SUN1: variants seen among roughly 807,000 people sequenced by gnomAD.
The protein encoded by SUN1 is Sad1 and UNC84 domain containing 1.
In SUN1, 61 loss-of-function variants were observed where a neutral mutation model predicts 103.2. The observed-to-expected ratio is 0.59, with a 90% CI of 0.48 to 0.73. The LOEUF is 0.73. SUN1 is among the 30% of genes least tolerant of loss of function. The probability of loss-of-function intolerance (pLI) is 0.00; values close to 1 mark genes in which losing one functional copy is unlikely to be tolerated. For missense variants in SUN1, 1,052 were observed against 1,034.6 expected, an observed-to-expected ratio of 1.02 and a Z score of -0.23; for synonymous variants, 490 against 425.7, an observed-to-expected ratio of 1.15 and a Z score of -1.86.
At chr7:860,522 T>C (rs1831356276) in intron 14 of SUN1, 140 bp downstream of exon 14, 3 of 1,407,538 alleles carry the variant, frequency 2.1e-6, no homozygotes, top group Non-Finnish European at 2.9e-6. Context: ...GTAAGTGAGA[T>C]GAGACGTGCC....
At chr7:829,617 C>G (rs1796091596), upstream of SUN1, among the ~76,000 whole-genome samples, 1 of 150,578 alleles carries the variant, frequency 6.6e-6, no homozygotes, top group African/African-American at 2.5e-5. Context: ...TGCAGTGGCG[C>G]TATCTCGGCT....
At chr7:861,298 T>A in intron 14 of SUN1, 82 bp from the exon 15 acceptor site, 1 of 1,361,874 alleles carries the variant, frequency 7.3e-7, no homozygotes, top group Non-Finnish European at 1.0e-6. Context: ...TGTAAGTGTC[T>A]GGTCCTCATC....
chr7:843,391 G>T lies in SUN1; in HGVS notation c.529G>T (p.Ala177Ser), dbSNP rs372973764. 1 of 1,610,278 alleles carries T rather than the reference G, an allele frequency of 6.2e-7. No homozygotes were observed. The highest frequency in any genetic ancestry group is 8.5e-7 in the Non-Finnish European group (1 of 1,177,786). Reference protein sequence around the residue: ...QGNGDVGAAAATAHNGFSCSN... With the variant: ...QGNGDVGAAASTAHNGFSCSN... ...AAACGGGGATGTGGGAGCCGCCGCCGCCACCGCGCACAACGGCTTCTCCTG... is the reference window on the plus strand; with the variant it reads ...AAACGGGGATGTGGGAGCCGCCGCCTCCACCGCGCACAACGGCTTCTCCTG... Residue 177 changes from alanine to serine, a missense_variant, in exon 5 of 19, where the codon GCC becomes TCC. Ala to Ser is a moderately conservative substitution (Grantham distance 99, BLOSUM62 1). Coordinates refer to ENST00000401592, the MANE Select transcript of SUN1 (RefSeq NM_001130965.3).
At chr7:872,701 C>A in intron 18 of SUN1, 139 bp downstream of exon 18, 1 of 672,144 alleles carries the variant, frequency 1.5e-6, no homozygotes, top group South Asian at 1.9e-5. Context: ...CTTCCTGGCT[C>A]TGCGTTAATG....
At chr7:857,056 C>T (rs1484421188) in intron 12 of SUN1, among the ~76,000 whole-genome samples, 1 of 152,194 alleles carries the variant, frequency 6.6e-6, no homozygotes, top group Admixed American at 6.5e-5. Flanking sequence ...GCCAAGTCCC[C>T]TTAAGTGGGG....
rs370495368 is a variant in SUN1 at position 853,612 on chromosome 7, G to C, written c.1257G>C (p.Pro419=). The C allele has an allele frequency of 2.5e-6, 4 of 1,601,420 alleles. No homozygotes were observed. The East Asian group carries it at 8.9e-5, about 36-fold the overall frequency. Reference sequence around the variant, plus strand: ...TCAGAGACGCTGTGGGACAGCCCCCGAGGGAGGTGGGTGCTGCCGGGCTAC... The same window carrying C: ...TCAGAGACGCTGTGGGACAGCCCCCCAGGGAGGTGGGTGCTGCCGGGCTAC... ...ASVRDAVGQP[P]RETDFMAFHQ... Residue 419 remains proline, a synonymous_variant, in exon 10 of 19, where the codon CCG becomes CCC. Coordinates refer to ENST00000401592, the MANE Select transcript of SUN1 (RefSeq NM_001130965.3).
upstream of SUN1, chr7:816,577 T>C (rs1026537906): frequency 5.1e-6 from 2 of 395,994 alleles, no homozygotes; most frequent in African/African-American, 2.2e-5. Context: ...GCTCCCGCCC[T>C]CGGCCCGGGG....
chr7:872,918 C>A (rs772877214), intron 18 of SUN1, among the ~76,000 whole-genome samples: 2 of 152,168 alleles, frequency 1.3e-5, no homozygotes, highest in African/African-American at 2.4e-5. Context: ...GAAACCCGGT[C>A]TCTACTAAAA....
chr7:840,427 C>T (rs895203362), intron 2 of SUN1, among the ~76,000 whole-genome samples: 6 of 152,218 alleles, frequency 3.9e-5, no homozygotes, highest in South Asian at 4.1e-4. Context: ...CGCTCTGCCG[C>T]GCCACGCTCC....
At chr7:871,417 C>A (rs1445375544) in intron 17 of SUN1, among the ~76,000 whole-genome samples, 1 of 151,932 alleles carries the variant, frequency 6.6e-6, no homozygotes, top group Non-Finnish European at 1.5e-5. Context: ...GAGACCGAGT[C>A]TCGCTCTGTC....
intron 14 of SUN1, 79 bp downstream of exon 14, chr7:860,461 A>ACCTAGC: frequency 6.4e-7 from 1 of 1,565,666 alleles, no homozygotes; most frequent in Non-Finnish European, 8.6e-7. Flanking sequence ...TGAGGTGTGG[A>ACCTAGC]TGTTGATGTC....
rs185782813 is a variant in SUN1, at chr7:873,400, T to G, written c.*69T>G. 6 of 1,365,092 alleles carry G rather than the reference T, an allele frequency of 4.4e-6. No individual in the cohort carries two copies. Among genetic ancestry groups the G allele is most frequent in the South Asian group, 1.2e-5 (1 of 85,834 alleles). The allele number at this position is 1,365,092 out of a possible 1,614,324, so 84.6% of individuals were successfully genotyped here. ...CAGCGTGAAACACTGGAATCCTTCA[T>G]GGACGAGGGCATATACAATGATGGG... On this transcript the variant is annotated 3_prime_UTR_variant, in exon 19 of 19. Coordinates refer to ENST00000401592, the MANE Select transcript of SUN1 (RefSeq NM_001130965.3).
intron 5 of SUN1, among the ~76,000 whole-genome samples, chr7:847,380 C>T (rs570999680): frequency 2.7e-5 from 4 of 149,596 alleles, no homozygotes; most frequent in Non-Finnish European, 6.0e-5. Flanking sequence ...GGGGGTTACT[C>T]CGCAGTCCAG....
upstream of SUN1, among the ~76,000 whole-genome samples, chr7:830,313 G>A (rs1271925690): frequency 6.6e-6 from 1 of 152,226 alleles, no homozygotes; most frequent in African/African-American, 2.4e-5. Flanking sequence ...GCGCTTGTCA[G>A]GGTGGGGTTA....
intron 5 of SUN1, chr7:848,732 T>G: frequency 3.2e-6 from 2 of 619,960 alleles, no homozygotes; most frequent in South Asian, 1.9e-5. Context: ...GTCTTGGTGC[T>G]GGCTCTCTCC....
intron 5 of SUN1, among the ~76,000 whole-genome samples, chr7:845,830 A>G (rs1198779387): frequency 6.6e-6 from 1 of 152,172 alleles, no homozygotes; most frequent in African/African-American, 2.4e-5. Context: ...GCTTTTTAAA[A>G]TGAGGTAAAA....
chr7:816,683 C>T (rs6959154), intron 1 of SUN1: 75,115 of 193,560 alleles, frequency 0.39, 15,306 homozygotes, highest in African/African-American at 0.49. Context: ...GGTGAGCTCC[C>T]GGCGGGCCGG....
intron 5 of SUN1, among the ~76,000 whole-genome samples, chr7:845,642 C>T (rs915146727): frequency 6.6e-6 from 1 of 151,860 alleles, no homozygotes; most frequent in South Asian, 2.1e-4. Flanking sequence ...GTATAGCTTT[C>T]CTTAAGTATA....
At position 848,637 on chromosome 7, in the gene SUN1, CCTT is replaced by C. The variant is rs781235485; in HGVS notation, c.659-2746_659-2744del. On this transcript the variant is annotated intron_variant, in intron 5 of 18. Coordinates refer to ENST00000401592, the MANE Select transcript of SUN1 (RefSeq NM_001130965.3). The stretch of plus-strand genomic sequence containing the variant: ...AAAGGTATTTAAATATTTTTTCCCT[CCTT>C]TTTCCACCAATCACACTTTCGCAGT... 12 of 1,303,502 alleles carry C rather than the reference CCTT, an allele frequency of 9.2e-6. No homozygotes were observed. The Admixed American group carries it at 1.8e-4, about 20-fold the overall frequency. The allele number at this position is 1,303,502 out of a possible 1,614,324, so 80.7% of individuals were successfully genotyped here. A position where few individuals can be genotyped will look rare whatever the true frequency, so the allele number is the denominator to read the frequency against.
Sources: allele counts gnomAD v4.1 joint callset (sites outside exome capture counted in the v4.1 genomes callset), GRCh38; gene constraint gnomAD v4.1.1; transcripts MANE v1.5; gene names NCBI Gene and HGNC (gene_info 2026-07-23, HGNC 2026-07-21).